Variants in EIF5A observed in about 807,000 individuals in gnomAD.
EIF5A encodes eukaryotic translation initiation factor 5A, also known as eukaryotic translation initiation factor 5A-1.
EIF5A carries 1 observed loss-of-function variant against 16.6 expected under a neutral mutation model. The ratio of observed to expected loss-of-function variants is 0.06; its 90% confidence interval spans 0.02 to 0.28. EIF5A has a LOEUF of 0.28. EIF5A is among the 10% of genes least tolerant of loss of function. EIF5A has a pLI of 1.00. For synonymous variants in EIF5A, 80 were observed against 73.6 expected (o/e 1.09, Z -0.44); for missense variants, 29 against 196.1 (o/e 0.15, Z 5.09).
chr17:7,308,126 G>A, intron 1 of EIF5A: 12 of 982,596 alleles, frequency 1.2e-5, no homozygotes, highest in Non-Finnish European at 1.4e-5. Context: ...GGGGGAGGGG[G>A]CTATTCGGTG....
At position 7,311,011 on chromosome 17, in the gene EIF5A, C is replaced by T. The variant is rs756233968; in HGVS notation, c.166-7C>T. The T allele has an allele frequency of 8.1e-6, 13 of 1,611,394 alleles. No homozygotes were observed. The East Asian group carries it at 2.7e-4, about 33-fold the overall frequency. Reference sequence around the variant, plus strand: ...GTTGGGTTTCTCTTTGTGATGCATACATACAGGTCCATCTGGTTGGTATTG... The same window carrying T: ...GTTGGGTTTCTCTTTGTGATGCATATATACAGGTCCATCTGGTTGGTATTG... On this transcript the variant is annotated splice_region_variant and splice_polypyrimidine_tract_variant and intron_variant, in intron 2 of 5. Coordinates refer to ENST00000336458, the MANE Select transcript of EIF5A (RefSeq NM_001970.5).
Position 7,307,817 on chromosome 17 carries a change from G to A in EIF5A, c.-22+65G>A, listed in dbSNP as rs911583867. On this transcript the variant is annotated intron_variant, in intron 1 of 5. Coordinates refer to ENST00000336458, the MANE Select transcript of EIF5A (RefSeq NM_001970.5). Reference sequence around the variant, plus strand: ...TGGGCCCGGGAGAAGATGGAACTGCGCGGGGGTCGGGGAGGGGGCAGAGGG... The same window carrying A: ...TGGGCCCGGGAGAAGATGGAACTGCACGGGGGTCGGGGAGGGGGCAGAGGG... The A allele has an allele frequency of 1.0e-5, 10 of 987,330 alleles. No homozygotes were observed. The South Asian group carries it at 1.7e-4, about 17-fold the overall frequency. 61.2% of individuals were successfully genotyped at this position (987,330 alleles called of 1,614,324 possible). A position where few individuals can be genotyped will look rare whatever the true frequency, so the allele number is the denominator to read the frequency against.
intron 1 of EIF5A, chr17:7,308,716 C>CTTCA: frequency 1.6e-6 from 1 of 616,090 alleles, no homozygotes; most frequent in South Asian, 1.8e-5. Flanking sequence ...GATAGGCGTT[C>CTTCA]TTCACCTTGT....
intron 1 of EIF5A, 158 bp from the exon 2 acceptor site, chr17:7,309,457 T>C: frequency 1.1e-6 from 1 of 941,206 alleles, no homozygotes; most frequent in Non-Finnish European, 1.6e-6. Context: ...TTGAGTATAT[T>C]TGAGCCCAGT....
chr17:7,308,097 C>T (rs2072682068), intron 1 of EIF5A: 1 of 989,778 alleles, frequency 1.0e-6, no homozygotes, highest in South Asian at 4.0e-5. Context: ...GGACCCGGCT[C>T]AGCGCGGCCA....
intron 1 of EIF5A, chr17:7,308,208 T>C: frequency 1.1e-6 from 1 of 920,184 alleles, no homozygotes; most frequent in Non-Finnish European, 1.3e-6. Context: ...CCTGGCGCAG[T>C]CTCTGAGGAG....
At chr17:7,307,184 C>T, upstream of EIF5A, 3 of 1,482,880 alleles carry the variant, frequency 2.0e-6, no homozygotes, top group Non-Finnish European at 2.7e-6. Context: ...CTAGACGAGA[C>T]AAGTGATCTA....
At position 7,307,669 on chromosome 17, in the gene EIF5A, C is replaced by A; in HGVS notation, c.-105C>A. 9.6e-7 allele frequency: 1 copy of A among 1,036,956 alleles called. No individual in the cohort carries two copies. Among genetic ancestry groups the A allele is most frequent in the South Asian group, 3.0e-5 (1 of 32,882 alleles). 64.2% of individuals were successfully genotyped at this position (1,036,956 alleles called of 1,614,324 possible). ...GCAGCAGCGGCGGCGGCGGTAGAGG[C>A]GGCGGCGGCGGCGGCAGCGGGCTCG... On this transcript the variant is annotated 5_prime_UTR_variant, in exon 1 of 6. Coordinates refer to ENST00000336458, the MANE Select transcript of EIF5A (RefSeq NM_001970.5).
Position 7,311,670 on chromosome 17 carries a change from TCA to T in EIF5A, c.*11+21_*11+22del, listed in dbSNP as rs771766839. On this transcript the variant is annotated intron_variant, in intron 5 of 5. Transcript: ENST00000336458. ...CTCCCAGGTGAGTGTGACAAATCCC[TCA>T]CTGTCCCCTTCACATTTTGTTGTCC... 101 of 1,613,822 alleles carry T rather than the reference TCA, an allele frequency of 6.3e-5. No individual in the cohort carries two copies. Among genetic ancestry groups the T allele is most frequent in the Middle Eastern group, 5.2e-4 (3 of 5,776 alleles).
chr17:7,310,874 GAGTTGACTGGTTCAATTCCAACACTCC>G (rs2072804468), intron 2 of EIF5A, 117 bp from the exon 3 acceptor site: 1 of 1,423,890 alleles, frequency 7.0e-7, no homozygotes, highest in Admixed American at 2.9e-5. Flanking sequence ...ACTGTTTCTT[GAGTTGACTGGTTCAATTCCAACACTCC>G]AGTCTTTGCC....
chr17:7,307,169 G>A, upstream of EIF5A: 10 of 1,529,410 alleles, frequency 6.5e-6, no homozygotes, highest in Non-Finnish European at 8.8e-6. Flanking sequence ...TGAGACGCAT[G>A]CGTTCTAGAC....
At chr17:7,309,133 G>C (rs927199741) in intron 1 of EIF5A, among the ~76,000 whole-genome samples, 3 of 151,976 alleles carry the variant, frequency 2.0e-5, no homozygotes, top group Admixed American at 1.3e-4. Context: ...TGTGGATGGG[G>C]GGGGGCAGTG....
At chr17:7,307,072 C>A (rs754894635), upstream of EIF5A, 32 of 1,604,214 alleles carry the variant, frequency 2.0e-5, no homozygotes, top group Non-Finnish European at 2.7e-5. Flanking sequence ...GGGACTGATT[C>A]CAAGACAAGG....
intron 1 of EIF5A, among the ~76,000 whole-genome samples, chr17:7,308,949 G>T (rs2072725653): frequency 6.6e-6 from 1 of 152,224 alleles, no homozygotes; most frequent in Admixed American, 6.5e-5. Context: ...GGGCCTTCCA[G>T]GAGAGGCTGG....
chr17:7,307,260 T>C, upstream of EIF5A: 3 of 1,200,650 alleles, frequency 2.5e-6, no homozygotes, highest in South Asian at 5.3e-5. Context: ...TGTTTAGGAT[T>C]CCGAACACGC....
chr17:7,310,282 C>T (rs959949428), intron 2 of EIF5A: 6 of 1,287,936 alleles, frequency 4.7e-6, no homozygotes, highest in South Asian at 1.2e-5. Context: ...CCCTTTGGAA[C>T]TCTGACGCAG....
chr17:7,309,238 T>C (rs539838408), intron 1 of EIF5A, among the ~76,000 whole-genome samples: 6 of 148,372 alleles, frequency 4.0e-5, no homozygotes, highest in East Asian at 2.3e-4. Flanking sequence ...CACCTAATTA[T>C]AGCCCTGGCT....
chr17:7,307,109 G>A (rs1021236443), upstream of EIF5A: 3 of 1,599,078 alleles, frequency 1.9e-6, no homozygotes, highest in Non-Finnish European at 2.6e-6. Context: ...CAAGTTTTCT[G>A]AAACGTGTGA....
chr17:7,309,490 T>G, intron 1 of EIF5A, 125 bp from the exon 2 acceptor site: 5 of 1,315,352 alleles, frequency 3.8e-6, no homozygotes, highest in Non-Finnish European at 5.2e-6. Flanking sequence ...TTCAGGAACT[T>G]TGACTTTATT....
Sources: allele counts gnomAD v4.1 joint callset (sites outside exome capture counted in the v4.1 genomes callset), GRCh38; gene constraint gnomAD v4.1.1; transcripts MANE v1.5; gene names NCBI Gene and HGNC (gene_info 2026-07-23, HGNC 2026-07-21).